MYRIP: variants seen among roughly 807,000 people sequenced by gnomAD.
MYRIP encodes the protein myosin VIIA and Rab interacting protein.
In MYRIP, 49 loss-of-function variants were observed where a neutral mutation model predicts 98.0. The observed-to-expected ratio is 0.50, with a 90% confidence interval of 0.40 to 0.63. MYRIP has a LOEUF of 0.63. Among genes scored for constraint, MYRIP ranks in the 30% least tolerant of loss-of-function variants. The pLI is 0.00. For synonymous variants in MYRIP, 404 were observed against 409.5 expected (o/e 0.99, Z 0.16); for missense variants, 1,004 against 1,058.2 (o/e 0.95, Z 0.71).
At chr3:40,020,459 T>C (rs986477204) in intron 2 of MYRIP, among the ~76,000 whole-genome samples, 2 of 152,236 alleles carry the variant, frequency 1.3e-5, no homozygotes, top group Admixed American at 1.3e-4. Flanking sequence ...CCCTGGCTGT[T>C]TGACAAATCT....
intron 2 of MYRIP, among the ~76,000 whole-genome samples, chr3:40,017,142 G>A (rs1418265637): frequency 6.6e-6 from 1 of 152,284 alleles, no homozygotes; most frequent in Admixed American, 6.5e-5. Flanking sequence ...TTTAAAATTT[G>A]AAGAGAACTT....
At chr3:40,156,486 G>A (rs1950241056) in intron 4 of MYRIP, among the ~76,000 whole-genome samples, 1 of 152,082 alleles carries the variant, frequency 6.6e-6, no homozygotes, top group Admixed American at 6.5e-5. Flanking sequence ...GCTCTTTTTT[G>A]GTGCCATATG....
intron 8 of MYRIP, among the ~76,000 whole-genome samples, chr3:40,177,773 C>T (rs1012127692): frequency 2.0e-5 from 3 of 152,094 alleles, no homozygotes; most frequent in African/African-American, 7.2e-5. Context: ...ATATCGTGAT[C>T]TTATTGGTAA....
At chr3:40,191,064 T>C (rs1473675567) in intron 10 of MYRIP, among the ~76,000 whole-genome samples, 1 of 152,234 alleles carries the variant, frequency 6.6e-6, no homozygotes, top group African/African-American at 2.4e-5. Context: ...ATTATTTCAA[T>C]ATTCTGTGAT....
intron 1 of MYRIP, among the ~76,000 whole-genome samples, chr3:39,815,896 T>G (rs1940888105): frequency 6.6e-6 from 1 of 151,852 alleles, no homozygotes; most frequent in South Asian, 2.1e-4. Flanking sequence ...CGTTTTTTTT[T>G]TTTTCAATTA....
intron 2 of MYRIP, among the ~76,000 whole-genome samples, chr3:39,998,779 A>T (rs564309605): frequency 1.1e-4 from 16 of 152,300 alleles, no homozygotes; most frequent in African/African-American, 3.6e-4. Context: ...TTCAAACTAT[A>T]CTACAAGGCT....
intron 2 of MYRIP, among the ~76,000 whole-genome samples, chr3:40,023,598 T>A (rs1947052541): frequency 6.6e-6 from 1 of 152,154 alleles, no homozygotes; most frequent in African/African-American, 2.4e-5. Context: ...CTGCCTCTGC[T>A]GGAATGTAAA....
At position 40,190,012 on chromosome 3, in the gene MYRIP, A is replaced by G. The variant is rs199871876; in HGVS notation, c.1214A>G (p.Glu405Gly). 3.8e-5 allele frequency: 62 copies of G among 1,613,998 alleles called. No homozygotes were observed. Among genetic ancestry groups the G allele is most frequent in the Admixed American group, 1.5e-4 (9 of 60,000 alleles). Residue 405 changes from glutamate (E) to glycine (G), a missense_variant, in exon 10 of 17, where the codon GAG becomes GGG. Around this residue, in one of 3 missense-constraint regions of MYRIP, gnomAD observed 880 missense variants for 907.7 expected, o/e 0.97. Coordinates refer to ENST00000302541, the MANE Select transcript of MYRIP (RefSeq NM_015460.4). ...AGCGAGGAAGACTTTGACTGGAGTG[A>G]GGCCTTGAGCAAGCTGTGTCCCAGG... is the stretch of plus-strand genomic sequence containing the variant. ...SDSEEDFDWS[E>G]ALSKLCPRSR...
intron 11 of MYRIP, among the ~76,000 whole-genome samples, chr3:40,221,620 G>A (rs1168951294): frequency 6.6e-6 from 1 of 152,202 alleles, no homozygotes; most frequent in Non-Finnish European, 1.5e-5. Context: ...GATAAAGTGA[G>A]ACTCTGTATC....
chr3:40,170,002 G>A lies in MYRIP; in HGVS notation c.782G>A (p.Gly261Glu). ...GAGCAGCAAGTGGAAGAAGAGCCAG[G>A]ATGGCCACATCCCCAGAGTTGCAGC... ...KSEQQVEEEP[G>E]WPHPQSCSTK... is the part of the protein sequence containing the mutation. The change falls in exon 8 of 17, where the codon GGA becomes GAA. Residue 261 changes from glycine (G) to glutamate (E), a missense_variant. By Grantham distance (98) the Gly-to-Glu change is moderately conservative. Around this residue, in one of 3 missense-constraint regions of MYRIP, gnomAD observed 880 missense variants for 907.7 expected, o/e 0.97. Transcript: ENST00000302541. 1 of 1,614,216 alleles carries A rather than the reference G, an allele frequency of 6.2e-7. No individual in the cohort carries two copies. Among genetic ancestry groups the A allele is most frequent in the Non-Finnish European group, 8.5e-7 (1 of 1,180,036 alleles).
At chr3:40,160,849 C>G (rs2125588124) in intron 4 of MYRIP, among the ~76,000 whole-genome samples, 1 of 152,296 alleles carries the variant, frequency 6.6e-6, no homozygotes, top group South Asian at 2.1e-4. Context: ...CAATGCCTTG[C>G]CCTGCTTCGG....
Position 39,984,160 on chromosome 3 carries a change from T to G in MYRIP, c.111-59890T>G, listed in dbSNP as rs150888272. Among the ~76,000 whole-genome samples, 893 of 152,146 alleles carry G rather than the reference T, an allele frequency of 5.9e-3. 9 individuals are homozygous for G. Among genetic ancestry groups the G allele is most frequent in the African/African-American group, 0.02 (825 of 41,496 alleles). On this transcript the variant is annotated intron_variant, in intron 2 of 16. Transcript: ENST00000302541. The stretch of plus-strand genomic sequence containing the variant: ...AACTTAGACAGACTAGGGAAAAGAC[T>G]TTTCAGTCCAGGACAGAGAGGTTGT...
chr3:39,852,396 T>C (rs111643252), intron 1 of MYRIP, among the ~76,000 whole-genome samples: 7 of 152,334 alleles, frequency 4.6e-5, no homozygotes, highest in South Asian at 2.1e-4. Context: ...TGTTTTATTT[T>C]CAATATAAAA....
chr3:40,233,037 C>T (rs1364125872), intron 11 of MYRIP: 1 of 152,192 alleles, frequency 6.6e-6, no homozygotes, highest in Non-Finnish European at 1.5e-5. Flanking sequence ...ATCTTCAATT[C>T]TGTTGGCTCA....
At chr3:39,878,045 A>G (rs1215215793) in intron 1 of MYRIP, among the ~76,000 whole-genome samples, 1 of 152,226 alleles carries the variant, frequency 6.6e-6, no homozygotes, top group Non-Finnish European at 1.5e-5. Context: ...AAGCCTGGGC[A>G]ATGGCAGGCG....
At position 40,031,266 on chromosome 3, in the gene MYRIP, C is replaced by T. The variant is rs13322710; in HGVS notation, c.111-12784C>T. Among the ~76,000 whole-genome samples, 19 of 152,068 alleles carry T rather than the reference C, an allele frequency of 1.2e-4. 1 individual carries two copies. The East Asian group carries it at 2.5e-3, about 20-fold the overall frequency. ...TATATAATGGTACTAGTCCCATTCA[C>T]GAGGATTTTACTCTTAACACCTAAT... On this transcript the variant is annotated intron_variant, in intron 2 of 16. Coordinates refer to ENST00000302541, the MANE Select transcript of MYRIP (RefSeq NM_015460.4).
intron 3 of MYRIP, among the ~76,000 whole-genome samples, chr3:40,046,941 G>A (rs554738878): frequency 6.6e-6 from 1 of 152,286 alleles, no homozygotes; most frequent in South Asian, 2.1e-4. Flanking sequence ...GCAATAGAGT[G>A]CAGTCACAGC....
At chr3:39,977,056 T>G (rs1365130984) in intron 2 of MYRIP, among the ~76,000 whole-genome samples, 2 of 108,880 alleles carry the variant, frequency 1.8e-5, no homozygotes, top group African/African-American at 1.1e-4. Flanking sequence ...AAAAAAATTA[T>G]TCTGTGTGTT....
chr3:40,170,018 G>A lies in MYRIP; in HGVS notation c.798G>A (p.Gln266=). The A allele has an allele frequency of 6.2e-7, 1 of 1,614,214 alleles. No individual in the cohort carries two copies. Among genetic ancestry groups the A allele is most frequent in the Non-Finnish European group, 8.5e-7 (1 of 1,180,030 alleles). The change falls in exon 8 of 17, where the codon CAG becomes CAA. Residue 266 remains glutamine (Q), a synonymous_variant. Coordinates refer to ENST00000302541, the MANE Select transcript of MYRIP (RefSeq NM_015460.4). ...AAGAGCCAGGATGGCCACATCCCCA[G>A]AGTTGCAGCACAAAGGTGGCAGATG... is the stretch of plus-strand genomic sequence containing the variant. ...VEEEPGWPHP[Q]SCSTKVADEG...
Sources: gnomAD v4.1 joint callset for allele counts (sites outside exome capture counted in the v4.1 genomes callset) on GRCh38, gnomAD v4.1.1 for gene constraint, gnomAD v4.1.1 regional missense constraint, MANE v1.5 for transcripts, NCBI Gene and HGNC (gene_info 2026-07-23, HGNC 2026-07-21) for gene names.